The following UQCC1 variants were observed in gnomAD, a reference collection of about 807,000 sequenced individuals.
The protein encoded by UQCC1 is bFGF-repressed Zic-binding protein.
In UQCC1, 38 loss-of-function variants were observed where a neutral mutation model predicts 48.0. The ratio of observed to expected loss-of-function variants is 0.79; its 90% confidence interval spans 0.61 to 1.04. The LOEUF (loss-of-function observed/expected upper bound fraction) is 1.04, where lower values mean the gene tolerates loss of function less well. Ranked by LOEUF, UQCC1 falls within the 50% of genes least tolerant of loss-of-function variation. The pLI is 0.00. For missense variants in UQCC1, 368 were observed against 381.8 expected, an observed-to-expected ratio of 0.96 and a Z score of 0.30; for synonymous variants, 111 against 129.2, an observed-to-expected ratio of 0.86 and a Z score of 0.95.
At chr20:35,386,300 G>A (rs1205197560) in intron 2 of UQCC1, 2 of 454,610 alleles carry the variant, frequency 4.4e-6, no homozygotes, top group Non-Finnish European at 4.4e-6. Context: ...AAGGGTGAGA[G>A]GGAGCAGGAA....
chr20:35,330,275 T>C (rs1326880114), intron 7 of UQCC1, among the ~76,000 whole-genome samples: 2 of 152,220 alleles, frequency 1.3e-5, no homozygotes, highest in African/African-American at 2.4e-5. Context: ...TGAGTTTTAG[T>C]CTCTGCTACT....
intron 7 of UQCC1, among the ~76,000 whole-genome samples, chr20:35,323,309 AAAG>A (rs2061153304): frequency 6.6e-6 from 1 of 152,324 alleles, no homozygotes; most frequent in African/African-American, 2.4e-5. Context: ...CTGTCCTTAA[AAAG>A]AAGATGAGAT....
chr20:35,408,406 T>A (rs941321632), intron 1 of UQCC1, among the ~76,000 whole-genome samples: 1 of 152,040 alleles, frequency 6.6e-6, no homozygotes, highest in Non-Finnish European at 1.5e-5. Context: ...CCAGCCTGCA[T>A]GACACAGCAA....
intron 1 of UQCC1, among the ~76,000 whole-genome samples, chr20:35,402,300 C>T (rs528701808): frequency 3.5e-4 from 53 of 152,130 alleles, no homozygotes; most frequent in African/African-American, 1.1e-3. Flanking sequence ...TAATATAGGC[C>T]GGGCGCGGTG....
At chr20:35,391,021 C>A (rs1250499998) in intron 2 of UQCC1, among the ~76,000 whole-genome samples, 1 of 151,842 alleles carries the variant, frequency 6.6e-6, no homozygotes, top group Non-Finnish European at 1.5e-5. Flanking sequence ...CGTGGCAAAA[C>A]CCCTTCTCTA....
intron 7 of UQCC1, among the ~76,000 whole-genome samples, chr20:35,320,977 A>G (rs1282046988): frequency 6.6e-6 from 1 of 152,214 alleles, no homozygotes; most frequent in Non-Finnish European, 1.5e-5. Context: ...GCCACCACCA[A>G]TGCTTTGCAG....
At chr20:35,378,424 C>T (rs1418815258) in intron 4 of UQCC1, among the ~76,000 whole-genome samples, 1 of 152,094 alleles carries the variant, frequency 6.6e-6, no homozygotes, top group South Asian at 2.1e-4. Context: ...ACCAGCCTGG[C>T]CAAGAGACCA....
At chr20:35,304,299 C>G (rs1568642395) in intron 9 of UQCC1, among the ~76,000 whole-genome samples, 1 of 152,086 alleles carries the variant, frequency 6.6e-6, no homozygotes, top group Non-Finnish European at 1.5e-5. Context: ...AGCTGGGTGG[C>G]GGGGGCAGTT....
chr20:35,303,926 C>T lies in UQCC1; in HGVS notation c.*9G>A. 1.2e-6 allele frequency: 2 copies of T among 1,614,144 alleles called. No individual in the cohort carries two copies. The highest frequency in any genetic ancestry group is 1.7e-6 in the Non-Finnish European group (2 of 1,179,996). On this transcript the variant is annotated 3_prime_UTR_variant, in exon 10 of 10. Transcript: ENST00000374385. ...GCCAGCTGGCGGGCCGTGCGGAGGG[C>T]CCAGCCCATCAAAGTCCCTCGTCGT...
At chr20:35,328,202 A>G (rs1176908183) in intron 7 of UQCC1, among the ~76,000 whole-genome samples, 2 of 152,130 alleles carry the variant, frequency 1.3e-5, no homozygotes, top group East Asian at 3.9e-4. Flanking sequence ...GGTGTTCTGT[A>G]TTTAAGTCCC....
chr20:35,344,174 T>C lies in UQCC1; in HGVS notation c.573+2990A>G, dbSNP rs561464395. ...CATTTGACAATTATTCAATGTTTAC[T>C]GCATAAGCAAAAAACTGAATAAGAC... On this transcript the variant is annotated intron_variant, in intron 7 of 9. Coordinates refer to ENST00000374385, the MANE Select transcript of UQCC1 (RefSeq NM_018244.5). 2.0e-5 allele frequency: 3 copies of C among 152,392 alleles called. No individual in the cohort carries two copies. In the East Asian group the frequency reaches 5.8e-4, roughly 29 times the overall value. The allele number at this position is 152,392 out of a possible 1,614,324, so 9.4% of individuals were successfully genotyped here. A position where few individuals can be genotyped will look rare whatever the true frequency, so the allele number is the denominator to read the frequency against.
intron 3 of UQCC1, 84 bp from the exon 4 acceptor site, chr20:35,382,109 AT>A (rs976323884): frequency 0.015 from 10,462 of 717,138 alleles, no homozygotes; most frequent in South Asian, 0.017. Flanking sequence ...GTCTGAGAGC[AT>A]TTTTTTTTTA....
At chr20:35,383,880 C>T (rs2061905983) in intron 3 of UQCC1, among the ~76,000 whole-genome samples, 158 bp downstream of exon 3, 1 of 152,136 alleles carries the variant, frequency 6.6e-6, no homozygotes, top group South Asian at 2.1e-4. Context: ...TTGTCTGCCA[C>T]TTACTTACCA....
Position 35,315,725 on chromosome 20 carries a change from C to CA in UQCC1, c.574-961dup, listed in dbSNP as rs550295067. 2.6e-5 allele frequency among the ~76,000 whole-genome samples: 4 copies of CA among 152,054 alleles called. No homozygotes were observed. In the South Asian group the frequency reaches 8.3e-4, roughly 32 times the overall value. On this transcript the variant is annotated intron_variant, in intron 7 of 9. Transcript: ENST00000374385. ...GCAACATGGCGAAACCCCATCCCTA[C>CA]AAAAAAATACAAAAATTAGCCTGGC... is the stretch of plus-strand genomic sequence containing the variant.
intron 7 of UQCC1, among the ~76,000 whole-genome samples, chr20:35,337,515 G>C (rs1282518472): frequency 6.6e-6 from 1 of 152,062 alleles, no homozygotes; most frequent in Non-Finnish European, 1.5e-5. Context: ...GAGTTCCCAA[G>C]CGATGCTGAG....
At chr20:35,307,315 C>T (rs1284404581) in intron 8 of UQCC1, among the ~76,000 whole-genome samples, 1 of 152,208 alleles carries the variant, frequency 6.6e-6, no homozygotes, top group African/African-American at 2.4e-5. Context: ...TCTTACCCAA[C>T]TCTGGGCCCA....
chr20:35,404,594 C>T (rs558926982), intron 1 of UQCC1, among the ~76,000 whole-genome samples: 1 of 150,438 alleles, frequency 6.6e-6, no homozygotes, highest in Non-Finnish European at 1.5e-5. Context: ...TGCAGCACAC[C>T]ATCATGGCAC....
At chr20:35,309,487 T>G (rs141762041) in intron 8 of UQCC1, among the ~76,000 whole-genome samples, 1 of 152,016 alleles carries the variant, frequency 6.6e-6, no homozygotes, top group Non-Finnish European at 1.5e-5. Context: ...TCAGCCTTCT[T>G]CCCACCACAC....
chr20:35,335,422 A>C (rs951313155), intron 7 of UQCC1, among the ~76,000 whole-genome samples: 2 of 152,238 alleles, frequency 1.3e-5, no homozygotes, highest in African/African-American at 4.8e-5. Flanking sequence ...GACTATCCCA[A>C]AAAGGAATGA....
Sources: gnomAD v4.1 joint callset for allele counts (sites outside exome capture counted in the v4.1 genomes callset) on GRCh38, gnomAD v4.1.1 for gene constraint, MANE v1.5 for transcripts, NCBI Gene and HGNC (gene_info 2026-07-23, HGNC 2026-07-21) for gene names.